The following TPX2 variants were observed in gnomAD, a reference collection of about 807,000 sequenced individuals.
TPX2 encodes targeting protein for Xklp2.
Under a neutral mutation model 93.6 loss-of-function variants are expected in TPX2, and 21 were observed. The observed-to-expected ratio is 0.22, with a 90% CI of 0.16 to 0.32. The LOEUF (loss-of-function observed/expected upper bound fraction) is 0.32. TPX2 is among the 10% of genes least tolerant of loss of function. TPX2 has a pLI of 1.00. For synonymous variants in TPX2, 281 were observed against 298.3 expected (o/e 0.94, Z 0.60); for missense variants, 776 against 871.1 (o/e 0.89, Z 1.37).
At chr20:31,794,658 G>A (rs905475198) in intron 15 of TPX2, 110 bp downstream of exon 15, 96 of 1,365,674 alleles carry the variant, frequency 7.0e-5, no homozygotes, top group Non-Finnish European at 8.8e-5. Flanking sequence ...TGTTTCAGGG[G>A]CTCTCACTGT....
At chr20:31,746,947 A>T (rs569862128) in intron 2 of TPX2, among the ~76,000 whole-genome samples, 1 of 152,108 alleles carries the variant, frequency 6.6e-6, no homozygotes, top group East Asian at 1.9e-4. Flanking sequence ...GTCTGTCTGT[A>T]TCTTTTAAGT....
At chr20:31,773,144 T>TA in intron 7 of TPX2, among the ~76,000 whole-genome samples, 1 of 107,220 alleles carries the variant, frequency 9.3e-6, no homozygotes, top group South Asian at 3.2e-4. Flanking sequence ...ACCCGGCTAA[T>TA]TTTTTTTTTT....
At chr20:31,786,398 C>T (rs2062066169) in intron 12 of TPX2, among the ~76,000 whole-genome samples, 1 of 99,448 alleles carries the variant, frequency 1.0e-5, no homozygotes, top group South Asian at 2.3e-4. Flanking sequence ...ACCTGAACTA[C>T]TGTTTTTTTT....
At chr20:31,791,628 G>C (rs1165764993) in intron 12 of TPX2, among the ~76,000 whole-genome samples, 1 of 152,186 alleles carries the variant, frequency 6.6e-6, no homozygotes, top group African/African-American at 2.4e-5. Flanking sequence ...ATGTGTTTTA[G>C]AGTAATAATG....
intron 17 of TPX2, 141 bp from the exon 18 acceptor site, chr20:31,800,829 G>C: frequency 2.8e-6 from 2 of 704,906 alleles, no homozygotes. Context: ...TTGCCCCCCA[G>C]GCCCCACTCC....
intron 5 of TPX2, among the ~76,000 whole-genome samples, chr20:31,768,904 T>G (rs2061946189): frequency 1.3e-5 from 2 of 152,212 alleles, no homozygotes; most frequent in African/African-American, 2.4e-5. Context: ...GCAATCTTAT[T>G]TTTTTTAGAA....
At chr20:31,758,776 G>A (rs2061868207) in intron 3 of TPX2, among the ~76,000 whole-genome samples, 1 of 152,110 alleles carries the variant, frequency 6.6e-6, no homozygotes. Flanking sequence ...TGGGAGGAAG[G>A]GTAAATAAAT....
chr20:31,779,077 C>A, intron 10 of TPX2, 93 bp downstream of exon 10: 1 of 1,379,280 alleles, frequency 7.3e-7, no homozygotes, highest in Non-Finnish European at 9.7e-7. Context: ...AGCTGAAATC[C>A]TAGTTTTTCA....
chr20:31,745,629 T>C (rs1400093556), intron 2 of TPX2, among the ~76,000 whole-genome samples: 1 of 152,174 alleles, frequency 6.6e-6, no homozygotes, highest in Non-Finnish European at 1.5e-5. Context: ...AATAAACACT[T>C]TTATTAGGTT....
At chr20:31,778,219 A>T (rs532408555) in intron 9 of TPX2, among the ~76,000 whole-genome samples, 4 of 152,362 alleles carry the variant, frequency 2.6e-5, no homozygotes, top group East Asian at 1.9e-4. Context: ...ATTTGTAGTC[A>T]GTATCATCAT....
rs1311754909 is a variant in TPX2 at position 31,757,387 on chromosome 20, G to A, written c.-70-20G>A. The A allele has an allele frequency of 1.9e-6, 2 of 1,038,186 alleles. No homozygotes were observed. The highest frequency in any genetic ancestry group is 2.9e-6 in the Non-Finnish European group (2 of 691,554). The allele number at this position is 1,038,186 out of a possible 1,614,324, so 64.3% of individuals were successfully genotyped here. The stretch of plus-strand genomic sequence containing the variant: ...GATGGGAATTTACTTAGATTTATGT[G>A]CAACCATTTCTTTCCTCAGAAGGTG... On this transcript the variant is annotated intron_variant, in intron 2 of 17. Coordinates refer to ENST00000300403, the MANE Select transcript of TPX2 (RefSeq NM_012112.5).
intron 2 of TPX2, among the ~76,000 whole-genome samples, chr20:31,744,015 C>T (rs1400534732): frequency 6.6e-6 from 1 of 151,882 alleles, no homozygotes; most frequent in Non-Finnish European, 1.5e-5. Flanking sequence ...GCCACCGTGC[C>T]TGGCCTTGCA....
chr20:31,797,765 A>G (rs768947109), intron 16 of TPX2, among the ~76,000 whole-genome samples: 18 of 152,256 alleles, frequency 1.2e-4, no homozygotes, highest in Non-Finnish European at 1.8e-4. Context: ...CATTTCAACA[A>G]CAATGATAGG....
intron 1 of TPX2, among the ~76,000 whole-genome samples, chr20:31,741,795 A>G (rs978100121): frequency 8.6e-5 from 13 of 151,926 alleles, no homozygotes; most frequent in African/African-American, 3.1e-4. Flanking sequence ...TTGTATTTTT[A>G]GTAGATACAG....
rs2062009024 is a variant in TPX2 at position 31,777,590 on chromosome 20, T to C, written c.834T>C (p.Tyr278=). 1 of 1,614,024 alleles carries C rather than the reference T, an allele frequency of 6.2e-7. No homozygotes were observed. The highest frequency in any genetic ancestry group is 8.5e-7 in the Non-Finnish European group (1 of 1,180,030). ...AACATCCTAAGAACCAGGAGGAATA[T>C]AAGGAAGTGAACTTTACATCTGAAC... ...IKQHPKNQEE[Y]KEVNFTSELR... Residue 278 remains tyrosine (Y), a synonymous_variant, in exon 9 of 18, where the codon TAT becomes TAC. Transcript: ENST00000300403.
chr20:31,800,315 T>C (rs1267004704), intron 17 of TPX2, among the ~76,000 whole-genome samples: 1 of 152,236 alleles, frequency 6.6e-6, no homozygotes, highest in African/African-American at 2.4e-5. Context: ...GATTTTTCTT[T>C]AGCATTTGGT....
chr20:31,783,473 A>G (rs1449456232), intron 11 of TPX2, among the ~76,000 whole-genome samples: 3 of 150,858 alleles, frequency 2.0e-5, no homozygotes, highest in Non-Finnish European at 4.4e-5. Context: ...CTGGTCTTGA[A>G]CTCCTGACCT....
chr20:31,787,590 G>A (rs2062074808), intron 12 of TPX2, among the ~76,000 whole-genome samples: 1 of 152,080 alleles, frequency 6.6e-6, no homozygotes, highest in Non-Finnish European at 1.5e-5. Context: ...ATGATTTTGA[G>A]GGCTTCATAT....
chr20:31,776,650 T>G (rs976646932), intron 8 of TPX2, among the ~76,000 whole-genome samples: 2 of 152,012 alleles, frequency 1.3e-5, no homozygotes, highest in South Asian at 2.1e-4. Flanking sequence ...TTCAGCCTCC[T>G]GAGTAGCTGG....
Sources: gnomAD v4.1 joint callset for allele counts (sites outside exome capture counted in the v4.1 genomes callset) on GRCh38, gnomAD v4.1.1 for gene constraint, MANE v1.5 for transcripts, NCBI Gene and HGNC (gene_info 2026-07-23, HGNC 2026-07-21) for gene names.